LRP1B: variants seen among roughly 807,000 people sequenced by gnomAD.
LRP1B encodes the protein LDL receptor related protein 1B.
In LRP1B, 217 loss-of-function variants were observed where a neutral mutation model predicts 556.6. The observed-to-expected ratio is 0.39, with a 90% CI of 0.35 to 0.44. LRP1B has a LOEUF of 0.44. Ranked by LOEUF, LRP1B falls within the 20% of genes least tolerant of loss-of-function variation. The pLI is 1.00. For missense variants in LRP1B, 5,053 were observed against 5,620.8 expected (o/e 0.90, Z 3.23); for synonymous variants, 2,047 against 1,865.8 (o/e 1.10, Z -2.50).
intron 2 of LRP1B, among the ~76,000 whole-genome samples, chr2:141,730,033 G>A (rs1453648083): frequency 6.6e-6 from 1 of 152,088 alleles, no homozygotes; most frequent in African/African-American, 2.4e-5. Flanking sequence ...CCCCCCAACA[G>A]ACACAAAGGC....
chr2:141,306,829 A>AT (rs972511338), intron 3 of LRP1B, among the ~76,000 whole-genome samples: 2 of 151,976 alleles, frequency 1.3e-5, no homozygotes, highest in Non-Finnish European at 2.9e-5. Context: ...CATTTAAGAA[A>AT]TTTTTTTATT....
intron 3 of LRP1B, among the ~76,000 whole-genome samples, chr2:141,400,604 A>T (rs868474966): frequency 3.9e-5 from 6 of 152,314 alleles, no homozygotes; most frequent in South Asian, 2.1e-4. Flanking sequence ...ACTGCCGTGG[A>T]TCATTACAGT....
At chr2:140,670,533 C>T (rs553060056) in intron 41 of LRP1B, among the ~76,000 whole-genome samples, 1 of 152,148 alleles carries the variant, frequency 6.6e-6, no homozygotes, top group South Asian at 2.1e-4. Flanking sequence ...CAGTGAGGTC[C>T]CCAGATCCTC....
intron 1 of LRP1B, among the ~76,000 whole-genome samples, chr2:141,890,604 A>G (rs2104913010): frequency 6.6e-6 from 1 of 152,010 alleles, no homozygotes; most frequent in East Asian, 1.9e-4. Flanking sequence ...TTTTTCATGA[A>G]TATACACATA....
At chr2:140,483,774 G>A (rs1262343797) in intron 59 of LRP1B, among the ~76,000 whole-genome samples, 2 of 150,730 alleles carry the variant, frequency 1.3e-5, no homozygotes, top group African/African-American at 2.4e-5. Flanking sequence ...CAAAGTAGCT[G>A]GGATTACAGG....
At chr2:141,007,390 T>C (rs867708713) in intron 14 of LRP1B, among the ~76,000 whole-genome samples, 16 of 152,022 alleles carry the variant, frequency 1.1e-4, no homozygotes, top group African/African-American at 3.9e-4. Flanking sequence ...TAATTCACTA[T>C]GTTTATAACA....
chr2:140,773,229 C>A (rs952114281), intron 33 of LRP1B, among the ~76,000 whole-genome samples: 1 of 152,180 alleles, frequency 6.6e-6, no homozygotes, highest in Non-Finnish European at 1.5e-5. Flanking sequence ...TTTTGAGAGA[C>A]TGAGGAGGGC....
At chr2:141,749,589 A>AT (rs1342995936) in intron 2 of LRP1B, among the ~76,000 whole-genome samples, 1 of 152,146 alleles carries the variant, frequency 6.6e-6, no homozygotes, top group Non-Finnish European at 1.5e-5. Flanking sequence ...CAGTATCTTG[A>AT]TTTTTAAGAC....
chr2:140,904,511 A>T (rs1694191730), intron 22 of LRP1B, among the ~76,000 whole-genome samples: 2 of 152,124 alleles, frequency 1.3e-5, no homozygotes. Flanking sequence ...AATTGGCCTG[A>T]AATGTAAGGC....
At chr2:142,111,008 C>T (rs937864766) in intron 1 of LRP1B, among the ~76,000 whole-genome samples, 1 of 152,154 alleles carries the variant, frequency 6.6e-6, no homozygotes, top group African/African-American at 2.4e-5. Flanking sequence ...TGTCACTCCT[C>T]CTTTCAGTTT....
intron 81 of LRP1B, among the ~76,000 whole-genome samples, 162 bp from the exon 82 acceptor site, chr2:140,322,250 T>A (rs924593318): frequency 2.0e-5 from 3 of 152,140 alleles, no homozygotes; most frequent in East Asian, 3.9e-4. Flanking sequence ...ATCATTCTCC[T>A]TTATAGGTGA....
intron 1 of LRP1B, among the ~76,000 whole-genome samples, chr2:141,978,736 A>T (rs1701959095): frequency 6.6e-6 from 1 of 152,022 alleles, no homozygotes; most frequent in South Asian, 2.1e-4. Flanking sequence ...ACCGATTAAA[A>T]AAACATCATC....
intron 3 of LRP1B, among the ~76,000 whole-genome samples, chr2:141,414,416 C>T (rs1165882900): frequency 2.0e-5 from 3 of 151,582 alleles, no homozygotes; most frequent in Non-Finnish European, 4.4e-5. Flanking sequence ...AAAGCTTCCC[C>T]CCTCATACTG....
chr2:141,632,849 G>A (rs1010229873), intron 2 of LRP1B, among the ~76,000 whole-genome samples: 2 of 131,048 alleles, frequency 1.5e-5, no homozygotes, highest in African/African-American at 2.9e-5. Context: ...AGAATGTATT[G>A]TGTTAAGTGC....
chr2:140,500,681 C>G (rs1394958702), intron 55 of LRP1B, among the ~76,000 whole-genome samples: 2 of 151,958 alleles, frequency 1.3e-5, no homozygotes. Flanking sequence ...ATACAGCTAG[C>G]AAATCGTCTT....
intron 7 of LRP1B, among the ~76,000 whole-genome samples, chr2:141,078,555 G>T (rs1414342184): frequency 6.6e-6 from 1 of 152,102 alleles, no homozygotes; most frequent in African/African-American, 2.4e-5. Context: ...GACATATAAA[G>T]CAAGGGCATC....
intron 5 of LRP1B, among the ~76,000 whole-genome samples, chr2:141,237,476 G>A (rs1181409083): frequency 6.6e-6 from 1 of 151,740 alleles, no homozygotes; most frequent in African/African-American, 2.4e-5. Context: ...AAAGTGCCAG[G>A]ACTATAGGCA....
At chr2:140,719,810 C>A (rs1687339428) in intron 35 of LRP1B, among the ~76,000 whole-genome samples, 1 of 151,926 alleles carries the variant, frequency 6.6e-6, no homozygotes, top group Non-Finnish European at 1.5e-5. Flanking sequence ...TTAAGGAGAA[C>A]CAAGAGTATA....
At chr2:141,665,237 G>GA (rs908631723) in intron 2 of LRP1B, among the ~76,000 whole-genome samples, 216 of 149,756 alleles carry the variant, frequency 1.4e-3, no homozygotes, top group Admixed American at 2.7e-3. Flanking sequence ...AAATTCATAA[G>GA]AAAAAAAAAC....
Sources: allele counts gnomAD v4.1 joint callset (sites outside exome capture counted in the v4.1 genomes callset), GRCh38; gene constraint gnomAD v4.1.1; transcripts MANE v1.5; gene names NCBI Gene and HGNC (gene_info 2026-07-23, HGNC 2026-07-21).